MYT1L: variants seen among roughly 807,000 people sequenced by gnomAD.
The protein encoded by MYT1L is myelin transcription factor 1 like.
In MYT1L, 12 loss-of-function variants were observed where a neutral mutation model predicts 126.7. The ratio of observed to expected loss-of-function variants is 0.09; its 90% CI spans 0.06 to 0.15. The LOEUF (loss-of-function observed/expected upper bound fraction) is 0.15, where lower values mean the gene tolerates loss of function less well. Ranked by LOEUF, MYT1L falls within the 10% of genes least tolerant of loss-of-function variation. The probability of loss-of-function intolerance (pLI) is 1.00; values close to 1 mark genes in which losing one functional copy is unlikely to be tolerated. For synonymous variants in MYT1L, 541 were observed against 604.2 expected, an observed-to-expected ratio of 0.90 and a Z score of 1.53; for missense variants, 979 against 1,585.2, an observed-to-expected ratio of 0.62 and a Z score of 6.49.
At chr2:1,935,061 C>A (rs1380958035) in intron 9 of MYT1L, among the ~76,000 whole-genome samples, 2 of 152,188 alleles carry the variant, frequency 1.3e-5, no homozygotes, top group African/African-American at 2.4e-5. Flanking sequence ...GCAGAGCTTG[C>A]AGAGACAACA....
intron 13 of MYT1L, 44 bp from the exon 14 acceptor site, chr2:1,903,338 G>A: frequency 3.4e-6 from 5 of 1,491,116 alleles, no homozygotes; most frequent in South Asian, 1.2e-5. Context: ...CTTTCCTGTG[G>A]CTTTGTACAC....
At chr2:1,859,494 G>A (rs1018243398) in intron 18 of MYT1L, among the ~76,000 whole-genome samples, 3 of 152,224 alleles carry the variant, frequency 2.0e-5, no homozygotes, top group Admixed American at 2.0e-4. Context: ...AAACACCAAA[G>A]TTCTGGTTGT....
Position 1,887,736 on chromosome 2 carries a change from T to C in MYT1L, c.2521-127A>G. On this transcript the variant is annotated intron_variant, in intron 16 of 24. Coordinates refer to ENST00000647738, the MANE Select transcript of MYT1L (RefSeq NM_001303052.2). This position sits in a 1 kb window ranked among gnomAD's most constrained non-coding sequence, Gnocchi z 4.8. ...TCTTTCTGCTGTACCTTTAAGATCC[T>C]TTTGGTCCTGATAACGCCCCTACTG... is the stretch of plus-strand genomic sequence containing the variant. 3 of 1,153,488 alleles carry C rather than the reference T, an allele frequency of 2.6e-6. No individual in the cohort carries two copies. Among genetic ancestry groups the C allele is most frequent in the Non-Finnish European group, 3.7e-6 (3 of 801,386 alleles). The allele number at this position is 1,153,488 out of a possible 1,614,324, so 71.5% of individuals were successfully genotyped here.
chr2:1,834,317 C>T lies in MYT1L; in HGVS notation c.3080+4832G>A, dbSNP rs192216831. Reference sequence around the variant, plus strand: ...CCTGGCAGTCTGGGCAAGGCCAGGGCTTCCAAGGAAAGAGAAATGTCTAAG... The same window carrying T: ...CCTGGCAGTCTGGGCAAGGCCAGGGTTTCCAAGGAAAGAGAAATGTCTAAG... On this transcript the variant is annotated intron_variant, in intron 21 of 24. Coordinates refer to ENST00000647738, the MANE Select transcript of MYT1L (RefSeq NM_001303052.2). 1.0e-3 allele frequency among the ~76,000 whole-genome samples: 157 copies of T among 152,282 alleles called. 1 individual carries two copies. The highest frequency in any genetic ancestry group is 3.6e-3 in the African/African-American group (149 of 41,546).
chr2:1,904,733 G>A (rs536830208), intron 13 of MYT1L, among the ~76,000 whole-genome samples: 3 of 151,694 alleles, frequency 2.0e-5, no homozygotes, highest in South Asian at 4.2e-4. Context: ...TTTTTCTCAA[G>A]TGATTCTCCT....
chr2:2,004,556 T>C (rs567580801), intron 4 of MYT1L, among the ~76,000 whole-genome samples: 1 of 150,880 alleles, frequency 6.6e-6, no homozygotes, highest in Non-Finnish European at 1.5e-5. Context: ...CGTTCTTTCC[T>C]GCGTGCCTTC....
chr2:1,876,491 C>T (rs1037742379), intron 18 of MYT1L, among the ~76,000 whole-genome samples: 11 of 152,210 alleles, frequency 7.2e-5, no homozygotes, highest in African/African-American at 2.6e-4. Flanking sequence ...CTGACCCCCC[C>T]GTCCATCTGG....
intron 4 of MYT1L, among the ~76,000 whole-genome samples, chr2:2,007,065 C>A (rs963089392): frequency 1.6e-4 from 24 of 150,086 alleles, no homozygotes; most frequent in African/African-American, 5.5e-4. Flanking sequence ...ATATATATAT[C>A]CCCCACATTT....
At chr2:2,186,690 C>T (rs545040594) in intron 2 of MYT1L, among the ~76,000 whole-genome samples, 14 of 152,296 alleles carry the variant, frequency 9.2e-5, no homozygotes, top group African/African-American at 3.4e-4. Context: ...CTTACTAACT[C>T]TTGACCCAAT....
intron 9 of MYT1L, among the ~76,000 whole-genome samples, chr2:1,924,687 C>A (rs1039889320): frequency 3.3e-5 from 5 of 152,162 alleles, no homozygotes; most frequent in Non-Finnish European, 5.9e-5. Context: ...TCAAATTTAC[C>A]TTTTATTAGA....
intron 3 of MYT1L, among the ~76,000 whole-genome samples, chr2:2,132,112 T>A (rs532438003): frequency 8.6e-5 from 13 of 151,652 alleles, no homozygotes; most frequent in African/African-American, 2.7e-4. Context: ...TTTCACCACA[T>A]TGGCCAGGAT....
rs1021232964 is a variant in MYT1L, at chr2:1,929,440, C to T, written c.506-6177G>A. ...TGAAAGGGGAACATGGAGGGTGACG[C>T]GGCATTGACAGTGGGATGCACGTGT... On this transcript the variant is annotated intron_variant, in intron 9 of 24. Coordinates refer to ENST00000647738, the MANE Select transcript of MYT1L (RefSeq NM_001303052.2). This position sits in a 1 kb window ranked among gnomAD's most constrained non-coding sequence, Gnocchi z 4.7. Among the ~76,000 whole-genome samples, 1 of 152,186 alleles carries T rather than the reference C, an allele frequency of 6.6e-6. No homozygotes were observed. The highest frequency in any genetic ancestry group is 6.5e-5 in the Admixed American group (1 of 15,278).
chr2:2,211,604 G>C (rs1373164710), intron 2 of MYT1L, among the ~76,000 whole-genome samples: 1 of 151,940 alleles, frequency 6.6e-6, no homozygotes, highest in Non-Finnish European at 1.5e-5. Context: ...TCAGGAGTTC[G>C]AGAACAGCCT....
intron 2 of MYT1L, among the ~76,000 whole-genome samples, chr2:2,183,287 G>A (rs2091736628): frequency 6.6e-6 from 1 of 152,148 alleles, no homozygotes; most frequent in African/African-American, 2.4e-5. Context: ...CCTGGGGGAA[G>A]TAGACCACGA....
At chr2:1,835,297 G>A (rs2040735767) in intron 21 of MYT1L, among the ~76,000 whole-genome samples, 1 of 152,198 alleles carries the variant, frequency 6.6e-6, no homozygotes, top group Non-Finnish European at 1.5e-5. Context: ...ACTTACATCA[G>A]CCTACAGCTG....
At position 1,801,691 on chromosome 2, in the gene MYT1L, G is replaced by T; in HGVS notation, c.3276+5C>A. On this transcript the variant is annotated splice_donor_5th_base_variant and intron_variant, in intron 23 of 24. Coordinates refer to ENST00000647738, the MANE Select transcript of MYT1L (RefSeq NM_001303052.2). The surrounding 1 kb of genome is among the most constrained non-coding windows in gnomAD (Gnocchi z 4.2). Reference sequence around the variant, plus strand: ...GCTAAAATTGAGGGCTTCAAAAACTGTTACCTGAGTTCTGAGTTTAATCAT... The same window carrying T: ...GCTAAAATTGAGGGCTTCAAAAACTTTTACCTGAGTTCTGAGTTTAATCAT... 1 of 1,592,780 alleles carries T rather than the reference G, an allele frequency of 6.3e-7. No individual in the cohort carries two copies. Among genetic ancestry groups the T allele is most frequent in the Non-Finnish European group, 8.6e-7 (1 of 1,165,118 alleles).
chr2:1,989,917 A>G (rs1251878833), intron 5 of MYT1L, among the ~76,000 whole-genome samples: 1 of 152,168 alleles, frequency 6.6e-6, no homozygotes, highest in Non-Finnish European at 1.5e-5. Context: ...AGAATTGCTT[A>G]AACCTGGGAG....
chr2:2,151,013 T>C (rs1039914867), intron 3 of MYT1L, among the ~76,000 whole-genome samples: 1 of 152,078 alleles, frequency 6.6e-6, no homozygotes, highest in Non-Finnish European at 1.5e-5. Context: ...AGTTAGGATG[T>C]CAAAGTTTAG....
At chr2:1,891,308 C>T (rs1167553462) in intron 15 of MYT1L, among the ~76,000 whole-genome samples, 2 of 152,292 alleles carry the variant, frequency 1.3e-5, no homozygotes, top group Admixed American at 6.5e-5. Flanking sequence ...CGCTGCTCAG[C>T]GTCTCCTCTG....
Sources: allele counts gnomAD v4.1 joint callset (sites outside exome capture counted in the v4.1 genomes callset), GRCh38; gene constraint gnomAD v4.1.1; non-coding constraint Gnocchi (gnomAD v3.1); transcripts MANE v1.5; gene names NCBI Gene and HGNC (gene_info 2026-07-23, HGNC 2026-07-21).